Variants in CAST observed in about 807,000 individuals in gnomAD.
CAST encodes the protein MIR583 host.
Under a neutral mutation model 119.6 loss-of-function variants are expected in CAST, and 76 were observed. The observed-to-expected ratio is 0.64, with a 90% CI of 0.53 to 0.77. CAST has a LOEUF of 0.77. Among genes scored for constraint, CAST ranks in the 30% least tolerant of loss-of-function variants. The pLI is 0.00. For synonymous variants in CAST, 319 were observed against 331.6 expected (o/e 0.96, Z 0.41); for missense variants, 953 against 946.5 (o/e 1.01, Z -0.09).
chr5:96,005,205 G>A, the CAST span, among the ~76,000 whole-genome samples: 1 of 152,190 alleles, frequency 6.6e-6, no homozygotes, highest in Non-Finnish European at 1.5e-5. Context: ...ACTCAAGAAA[G>A]ATGAAGCCCC....
At chr5:96,267,954 TC>T in the CAST span, among the ~76,000 whole-genome samples, 37 of 152,316 alleles carry the variant, frequency 2.4e-4, no homozygotes, top group South Asian at 2.9e-3. Flanking sequence ...AGAGGTTTCT[TC>T]CTTTTTTCTC....
intron 2 of CAST, among the ~76,000 whole-genome samples, chr5:96,690,202 G>A (rs759594502): frequency 1.2e-4 from 18 of 152,026 alleles, no homozygotes; most frequent in Admixed American, 2.0e-4. Flanking sequence ...CTAGAACATG[G>A]GACATTTCAT....
chr5:96,601,675 T>G (rs1315429002), intron 1 of CAST, among the ~76,000 whole-genome samples: 1 of 152,232 alleles, frequency 6.6e-6, no homozygotes, highest in Admixed American at 6.5e-5. Flanking sequence ...TCGATTGGTT[T>G]TTTAATGTTC....
chr5:95,971,535 C>G, the CAST span, among the ~76,000 whole-genome samples: 1 of 152,072 alleles, frequency 6.6e-6, no homozygotes, highest in Non-Finnish European at 1.5e-5. Context: ...ATCAAAAATT[C>G]GACAAACAGA....
chr5:96,392,750 A>G, the CAST span: 1 of 532,420 alleles, frequency 1.9e-6, no homozygotes, highest in East Asian at 3.3e-5. Flanking sequence ...GTGACTCCAG[A>G]AAGAACAAAA....
At chr5:96,419,382 TATTATA>T in the CAST span, among the ~76,000 whole-genome samples, 1 of 119,948 alleles carries the variant, frequency 8.3e-6, no homozygotes, top group African/African-American at 3.4e-5. Context: ...ATATAATACT[TATTATA>T]TATATATATA....
At chr5:96,000,451 T>C in the CAST span, among the ~76,000 whole-genome samples, 6 of 152,348 alleles carry the variant, frequency 3.9e-5, no homozygotes, top group East Asian at 1.2e-3. Context: ...CTTATCTTTT[T>C]GCATGTGGTT....
At chr5:96,656,585 C>T (rs1307810036) in intron 1 of CAST, among the ~76,000 whole-genome samples, 1 of 152,128 alleles carries the variant, frequency 6.6e-6, no homozygotes, top group Non-Finnish European at 1.5e-5. Context: ...TTTTAGCACC[C>T]AGAAAGTTTT....
At chr5:96,731,965 T>G (rs1027736577) in intron 9 of CAST, among the ~76,000 whole-genome samples, 8 of 152,318 alleles carry the variant, frequency 5.3e-5, no homozygotes, top group South Asian at 2.1e-4. Flanking sequence ...GTAAACATAC[T>G]TGTGCATGTG....
At chr5:96,135,258 TG>T in the CAST span, among the ~76,000 whole-genome samples, 1 of 151,782 alleles carries the variant, frequency 6.6e-6, no homozygotes, top group Non-Finnish European at 1.5e-5. Flanking sequence ...AAAGCAAGAG[TG>T]TGTAAAGGGA....
the CAST span, chr5:96,408,323 T>C: frequency 8.4e-5 from 135 of 1,612,288 alleles, no homozygotes; most frequent in Non-Finnish European, 1.1e-4. Flanking sequence ...TCAGCGCTCG[T>C]CTGGATGACG....
chr5:96,437,564 A>G, the CAST span, among the ~76,000 whole-genome samples: 1 of 152,200 alleles, frequency 6.6e-6, no homozygotes, highest in Non-Finnish European at 1.5e-5. Flanking sequence ...TATGAGAATT[A>G]TAGACTTTAG....
At chr5:95,976,829 T>A in the CAST span, among the ~76,000 whole-genome samples, 1 of 152,202 alleles carries the variant, frequency 6.6e-6, no homozygotes, top group Non-Finnish European at 1.5e-5. Context: ...AATAAATATT[T>A]TTTAACTTGA....
the CAST span, among the ~76,000 whole-genome samples, chr5:96,487,895 T>C: frequency 6.6e-6 from 1 of 152,188 alleles, no homozygotes; most frequent in Non-Finnish European, 1.5e-5. Context: ...GTATATGCCA[T>C]TATACATTAG....
At chr5:96,156,350 A>T in the CAST span, among the ~76,000 whole-genome samples, 1 of 152,132 alleles carries the variant, frequency 6.6e-6, no homozygotes, top group African/African-American at 2.4e-5. Flanking sequence ...GACTGATTGG[A>T]ATGTATCTGT....
intron 21 of CAST, 141 bp downstream of exon 21, chr5:96,754,302 T>A (rs1393588730): frequency 3.0e-6 from 2 of 671,876 alleles, no homozygotes; most frequent in Non-Finnish European, 5.4e-6. Flanking sequence ...GTGCATATCC[T>A]GTTTAATAAG....
chr5:96,670,871 AC>A (rs1488643140), intron 1 of CAST, among the ~76,000 whole-genome samples: 1 of 152,244 alleles, frequency 6.6e-6, no homozygotes, highest in Admixed American at 6.5e-5. Flanking sequence ...TATCTGGGTA[AC>A]AACAGGGCAG....
chr5:96,106,751 G>C, the CAST span, among the ~76,000 whole-genome samples: 1 of 151,798 alleles, frequency 6.6e-6, no homozygotes, highest in East Asian at 1.9e-4. Flanking sequence ...ACTTGGTGCA[G>C]AGCTGAGTTC....
chr5:96,323,632 A>T, the CAST span, among the ~76,000 whole-genome samples: 2 of 152,144 alleles, frequency 1.3e-5, no homozygotes, highest in Non-Finnish European at 2.9e-5. Context: ...GTTGGTATCT[A>T]GTCAATAGCA....
Sources: gnomAD v4.1 joint callset for allele counts (sites outside exome capture counted in the v4.1 genomes callset) on GRCh38, gnomAD v4.1.1 for gene constraint, MANE v1.5 for transcripts, NCBI Gene and HGNC (gene_info 2026-07-23, HGNC 2026-07-21) for gene names.